Variants in RBFOX3 observed in about 807,000 individuals in gnomAD.
The protein encoded by RBFOX3 is RNA binding fox-1 homolog 3.
A neutral mutation model predicts 48.7 loss-of-function variants in RBFOX3; 17 were observed. That is an observed-to-expected ratio of 0.35 (90% CI 0.24 to 0.52). The LOEUF is 0.52. Ranked by LOEUF, RBFOX3 falls within the 20% of genes least tolerant of loss-of-function variation. The pLI is 0.94. For missense variants in RBFOX3, 382 were observed against 497.5 expected (o/e 0.77, Z 2.21); for synonymous variants, 212 against 209.5 (o/e 1.01, Z -0.10).
At chr17:79,402,585 G>C (rs761721710) in intron 2 of RBFOX3, among the ~76,000 whole-genome samples, 91 of 152,208 alleles carry the variant, frequency 6.0e-4, no homozygotes, top group Non-Finnish European at 1.2e-3. Context: ...CACATGGGGT[G>C]GTGGGGACCC....
chr17:79,215,332 G>T (rs2147241758), intron 4 of RBFOX3, among the ~76,000 whole-genome samples: 1 of 152,354 alleles, frequency 6.6e-6, no homozygotes, highest in South Asian at 2.1e-4. Flanking sequence ...AGTCACACTG[G>T]TTTCCAGACC....
intron 4 of RBFOX3, among the ~76,000 whole-genome samples, chr17:79,209,036 G>C (rs1355605415): frequency 6.6e-6 from 1 of 151,590 alleles, no homozygotes. Context: ...AGCCAGGATG[G>C]TCTCGATCTC....
In RBFOX3 at chr17:79,421,846, C is replaced by T. The variant is rs984709938; in HGVS notation, c.-175+60608G>A. 2.0e-5 allele frequency among the ~76,000 whole-genome samples: 3 copies of T among 152,066 alleles called. No individual in the cohort carries two copies. Among genetic ancestry groups the T allele is most frequent in the Non-Finnish European group, 4.4e-5 (3 of 67,990 alleles). On this transcript the variant is annotated intron_variant, in intron 2 of 14. Coordinates refer to ENST00000693108, the MANE Select transcript of RBFOX3 (RefSeq NM_001350451.2). The surrounding 1 kb of genome is among the most constrained non-coding windows in gnomAD (Gnocchi z 4.5). ...GAAGTGATCAGGTGCCGGAAGGCCC[C>T]GTGAGGGTGGCCCACGAGGCTCATG... is the stretch of plus-strand genomic sequence containing the variant.
chr17:79,513,993 C>T (rs1347929012), intron 1 of RBFOX3, among the ~76,000 whole-genome samples: 2 of 152,334 alleles, frequency 1.3e-5, no homozygotes, highest in East Asian at 3.9e-4. Flanking sequence ...ACCAGACCTG[C>T]CAATCCTTGA....
chr17:79,282,327 A>G (rs2070754770), intron 3 of RBFOX3, among the ~76,000 whole-genome samples: 1 of 152,248 alleles, frequency 6.6e-6, no homozygotes, highest in Non-Finnish European at 1.5e-5. Flanking sequence ...AATAAAGTAC[A>G]GGAAAACTTC....
At chr17:79,589,216 G>A (rs1251269990) in intron 1 of RBFOX3, among the ~76,000 whole-genome samples, 5 of 152,136 alleles carry the variant, frequency 3.3e-5, no homozygotes, top group Non-Finnish European at 7.4e-5. Context: ...CTCTTGCGCT[G>A]CGGCAGGCTG....
At chr17:79,101,705 G>T in intron 8 of RBFOX3, 61 bp from the exon 9 acceptor site, 1 of 1,432,120 alleles carries the variant, frequency 7.0e-7, no homozygotes, top group Non-Finnish European at 9.6e-7. Flanking sequence ...AAGACCCACT[G>T]GCCACTCCTC....
chr17:79,453,702 G>A (rs2073972450), intron 2 of RBFOX3, among the ~76,000 whole-genome samples: 1 of 151,740 alleles, frequency 6.6e-6, no homozygotes, highest in Non-Finnish European at 1.5e-5. Context: ...GTGTGCCGGT[G>A]TGTGCAGAGG....
chr17:79,484,898 T>C (rs1172263328), intron 1 of RBFOX3, among the ~76,000 whole-genome samples: 1 of 152,128 alleles, frequency 6.6e-6, no homozygotes, highest in Non-Finnish European at 1.5e-5. Context: ...AAGCAGAAGT[T>C]TCTGTAAGCC....
At chr17:79,639,183 A>G in the RBFOX3 span, among the ~76,000 whole-genome samples, 1 of 150,618 alleles carries the variant, frequency 6.6e-6, no homozygotes, top group South Asian at 2.1e-4. Context: ...TTTATTGTTT[A>G]TTTTTTTTTG....
At chr17:79,273,142 G>A (rs73416158) in intron 3 of RBFOX3, among the ~76,000 whole-genome samples, 5,201 of 151,974 alleles carry the variant, frequency 0.034, 278 homozygotes, top group African/African-American at 0.12. Context: ...CCACCTGGTG[G>A]ACGGGTGGCA....
chr17:79,201,593 T>A (rs2056763404), intron 4 of RBFOX3, among the ~76,000 whole-genome samples: 1 of 152,230 alleles, frequency 6.6e-6, no homozygotes, highest in Non-Finnish European at 1.5e-5. Flanking sequence ...GAGGGGACTG[T>A]TCACGATCTC....
intron 4 of RBFOX3, among the ~76,000 whole-genome samples, chr17:79,149,012 G>A (rs2043691089): frequency 6.6e-6 from 1 of 152,160 alleles, no homozygotes; most frequent in Non-Finnish European, 1.5e-5. Flanking sequence ...TGCTGTTCTG[G>A]GCTTGGACTG....
chr17:79,441,798 G>A (rs1416886657), intron 2 of RBFOX3, among the ~76,000 whole-genome samples: 1 of 152,252 alleles, frequency 6.6e-6, no homozygotes, highest in Non-Finnish European at 1.5e-5. Context: ...ACACACTCGT[G>A]GCCCACAGGC....
At chr17:79,521,597 G>A (rs1168709253) in intron 1 of RBFOX3, among the ~76,000 whole-genome samples, 2 of 146,036 alleles carry the variant, frequency 1.4e-5, no homozygotes, top group African/African-American at 5.6e-5. Flanking sequence ...ACATTCACAT[G>A]CAGACACGTG....
chr17:79,412,137 G>A (rs550525841), intron 2 of RBFOX3, among the ~76,000 whole-genome samples: 14 of 152,096 alleles, frequency 9.2e-5, no homozygotes, highest in South Asian at 6.2e-4. Flanking sequence ...GTATATGCAC[G>A]TGTTGTGCAT....
intron 3 of RBFOX3, among the ~76,000 whole-genome samples, chr17:79,248,133 C>T (rs74393628): frequency 0.037 from 5,606 of 152,296 alleles, 89 homozygotes; most frequent in Middle Eastern, 0.044. Flanking sequence ...TCCTCTACCT[C>T]CGGGGCACAG....
At chr17:79,179,358 A>ACGCCGCATCCTCCACGGAAG (rs1198201902) in intron 4 of RBFOX3, among the ~76,000 whole-genome samples, 1 of 152,200 alleles carries the variant, frequency 6.6e-6, no homozygotes, top group Non-Finnish European at 1.5e-5. Context: ...CCGCTCGGAA[A>ACGCCGCATCCTCCACGGAAG]CGCCGCATCC....
chr17:79,188,272 G>A (rs1188658890), intron 4 of RBFOX3, among the ~76,000 whole-genome samples: 3 of 152,214 alleles, frequency 2.0e-5, no homozygotes, highest in Non-Finnish European at 2.9e-5. Context: ...CAGAGGGAAA[G>A]CTAAGCCCAG....
Sources: allele counts gnomAD v4.1 joint callset (sites outside exome capture counted in the v4.1 genomes callset), GRCh38; gene constraint gnomAD v4.1.1; non-coding constraint Gnocchi (gnomAD v3.1); transcripts MANE v1.5; gene names NCBI Gene and HGNC (gene_info 2026-07-23, HGNC 2026-07-21).